PTGES3L: variants seen among roughly 807,000 people sequenced by gnomAD.
PTGES3L encodes the protein prostaglandin E synthase 3 like.
A neutral mutation model predicts 25.0 loss-of-function variants in PTGES3L; 17 were observed. The observed-to-expected ratio is 0.68, with a 90% CI of 0.47 to 1.02. The LOEUF (loss-of-function observed/expected upper bound fraction) is 1.02. PTGES3L is among the 50% of genes least tolerant of loss of function. The probability of loss-of-function intolerance (pLI) is 0.00; values close to 1 mark genes in which losing one functional copy is unlikely to be tolerated. For synonymous variants in PTGES3L, 59 were observed against 65.7 expected (o/e 0.90, Z 0.50); for missense variants, 202 against 197.5 (o/e 1.02, Z -0.14).
chr17:42,972,377 T>G lies in PTGES3L; in HGVS notation c.289-681A>C, dbSNP rs2049859383. 3.1e-5 allele frequency among the ~76,000 whole-genome samples: 4 copies of G among 127,334 alleles called. No homozygotes were observed. In the South Asian group the frequency reaches 8.6e-4, roughly 27 times the overall value. 83.5% of individuals were successfully genotyped at this position (127,334 alleles called of 152,430 possible). On this transcript the variant is annotated intron_variant, in intron 4 of 6. Coordinates refer to ENST00000591916, the MANE Select transcript of PTGES3L (RefSeq NM_001261430.2). ...CTCTCTTTCCACGGTCTCCCTCTCA[T>G]GCGGAGCCGAAGCTGGACTGTACTG...
chr17:42,971,955 C>G (rs911577132), intron 4 of PTGES3L: 1 of 378,632 alleles, frequency 2.6e-6, no homozygotes, highest in Non-Finnish European at 4.9e-6. Flanking sequence ...TTTGGAAGGC[C>G]GAGGCAGGAG....
At chr17:42,978,523 C>G (rs2050004415) in intron 4 of PTGES3L, among the ~76,000 whole-genome samples, 2 of 152,058 alleles carry the variant, frequency 1.3e-5, no homozygotes, top group Non-Finnish European at 2.9e-5. Flanking sequence ...ATTTCATCAC[C>G]TACAACGAAA....
chr17:42,971,983 T>A (rs1268840161), intron 4 of PTGES3L: 1 of 323,438 alleles, frequency 3.1e-6, no homozygotes, highest in Non-Finnish European at 5.9e-6. Context: ...AGGTCAGGAG[T>A]TCGAGACCAG....
intron 4 of PTGES3L, among the ~76,000 whole-genome samples, chr17:42,975,407 G>A (rs190985532): frequency 5.3e-5 from 8 of 152,274 alleles, no homozygotes; most frequent in Admixed American, 4.6e-4. Flanking sequence ...AGGTACAGAG[G>A]TGAGAAACAG....
chr17:42,970,190 A>G, intron 6 of PTGES3L, 99 bp downstream of exon 6: 2 of 1,437,134 alleles, frequency 1.4e-6, no homozygotes, highest in South Asian at 1.2e-5. Flanking sequence ...ACAGGCACTG[A>G]GAACTACTGT....
chr17:42,973,173 C>T (rs1377443831), intron 4 of PTGES3L, among the ~76,000 whole-genome samples: 3 of 148,738 alleles, frequency 2.0e-5, no homozygotes, highest in African/African-American at 5.0e-5. Context: ...CAGCAGCCAC[C>T]CCATCCGGGA....
chr17:42,979,093 G>T, intron 4 of PTGES3L, 77 bp downstream of exon 4: 2 of 1,491,490 alleles, frequency 1.3e-6, no homozygotes, highest in Non-Finnish European at 1.9e-6. Flanking sequence ...AATATTGGCT[G>T]GAAAGGAGGC....
At chr17:42,979,019 A>C in intron 4 of PTGES3L, 151 bp downstream of exon 4, 3 of 807,450 alleles carry the variant, frequency 3.7e-6, no homozygotes, top group Non-Finnish European at 6.0e-6. Context: ...TAAATAAATA[A>C]AAATAAAAAG....
chr17:42,970,309 G>C lies in PTGES3L; in HGVS notation c.412C>G (p.Pro138Ala), dbSNP rs904502278. The change falls in exon 6 of 7, where the codon CCT becomes GCT. Residue 138 changes from proline to alanine, a missense_variant. Physicochemically the swap from Pro to Ala is conservative, Grantham distance 27 (BLOSUM62 -1). Coordinates refer to ENST00000591916, the MANE Select transcript of PTGES3L (RefSeq NM_001261430.2). Reference sequence around the variant, plus strand: ...CTTACATCCAAATCATCCATGGCAGGTGGAGGTCTCTTGGTGCTGACCTTC... The same window carrying C: ...CTTACATCCAAATCATCCATGGCAGCTGGAGGTCTCTTGGTGCTGACCTTC... ...LKKVSTKRPP[P>A]AMDDLDDDSD... The C allele has an allele frequency of 1.1e-5, 18 of 1,613,870 alleles. No homozygotes were observed. The Admixed American group carries it at 2.2e-4, about 19-fold the overall frequency.
intron 4 of PTGES3L, among the ~76,000 whole-genome samples, chr17:42,973,583 C>T (rs1385264015): frequency 6.6e-6 from 1 of 151,644 alleles, no homozygotes; most frequent in East Asian, 2.0e-4. Flanking sequence ...ATTGAGAAAT[C>T]GGATGGTTGC....
At chr17:42,969,584 TAG>T (rs1555565164) in intron 6 of PTGES3L, among the ~76,000 whole-genome samples, 1 of 151,896 alleles carries the variant, frequency 6.6e-6, no homozygotes, top group Non-Finnish European at 1.5e-5. Flanking sequence ...GTACTTTTGG[TAG>T]AGACAGGGTT....
chr17:42,972,575 C>T (rs1161333190), intron 4 of PTGES3L, among the ~76,000 whole-genome samples: 6 of 152,096 alleles, frequency 3.9e-5, no homozygotes, highest in African/African-American at 1.4e-4. Flanking sequence ...CCGCCAGCCT[C>T]GGCCTCCCGA....
intron 6 of PTGES3L, among the ~76,000 whole-genome samples, chr17:42,969,635 C>T (rs1427084388): frequency 6.6e-6 from 1 of 151,828 alleles, no homozygotes; most frequent in Non-Finnish European, 1.5e-5. Flanking sequence ...CTGCTGAGCA[C>T]AAGTGATCCA....
chr17:42,979,257 A>T lies in PTGES3L; in HGVS notation c.201T>A (p.Asp67Glu). The T allele has an allele frequency of 6.2e-7, 1 of 1,614,042 alleles. No homozygotes were observed. The highest frequency in any genetic ancestry group is 8.5e-7 in the Non-Finnish European group (1 of 1,180,002). Residue 67 changes from aspartate to glutamate, a missense_variant, in exon 4 of 7, where the codon GAT becomes GAA. Physicochemically the swap from Asp to Glu is conservative, Grantham distance 45 (BLOSUM62 2). Coordinates refer to ENST00000591916, the MANE Select transcript of PTGES3L (RefSeq NM_001261430.2). ...AAGTAATAGAGCGGGAAGAGCGCTT[A>T]TCCTGGGAGTCCTGCCAGATAGAGA... ...YAKVNSKDSQ[D>E]KRSSRSITCF... is the part of the protein sequence containing the mutation.
rs1273686267 is a variant in PTGES3L at position 42,968,446 on chromosome 17, G to C, written c.*702C>G. 6.6e-6 allele frequency: 1 copy of C among 151,708 alleles called. No individual in the cohort carries two copies. Among genetic ancestry groups the C allele is most frequent in the Non-Finnish European group, 1.5e-5 (1 of 68,068 alleles). 9.4% of individuals were successfully genotyped at this position (151,708 alleles called of 1,614,324 possible). A position where few individuals can be genotyped will look rare whatever the true frequency, so the allele number is the denominator to read the frequency against. On this transcript the variant is annotated 3_prime_UTR_variant, in exon 7 of 7. Coordinates refer to ENST00000591916, the MANE Select transcript of PTGES3L (RefSeq NM_001261430.2). ...CTTGGGAGGCTGAGGCAGGAGAATT[G>C]CTTGAACCCAGAAGGTGGAGGTTGC... is the stretch of plus-strand genomic sequence containing the variant.
At chr17:42,977,211 A>C (rs1005314886) in intron 4 of PTGES3L, among the ~76,000 whole-genome samples, 3 of 152,056 alleles carry the variant, frequency 2.0e-5, no homozygotes, top group Non-Finnish European at 2.9e-5. Flanking sequence ...AGATCACCTG[A>C]GGTCAGGAGT....
chr17:42,969,117 A>G lies in PTGES3L; in HGVS notation c.*31T>C. Reference sequence around the variant, plus strand: ...TCTAGAACAACTGGAAAATAGCCACAGCTGCCTTCCCAGCTTTGCGTCACA... The same window carrying G: ...TCTAGAACAACTGGAAAATAGCCACGGCTGCCTTCCCAGCTTTGCGTCACA... On this transcript the variant is annotated 3_prime_UTR_variant, in exon 7 of 7. Transcript: ENST00000591916. 1 of 1,522,782 alleles carries G rather than the reference A, an allele frequency of 6.6e-7. No individual in the cohort carries two copies. Among genetic ancestry groups the G allele is most frequent in the South Asian group, 1.2e-5 (1 of 83,440 alleles). 94.3% of individuals were successfully genotyped at this position (1,522,782 alleles called of 1,614,324 possible). A position where few individuals can be genotyped will look rare whatever the true frequency, so the allele number is the denominator to read the frequency against.
At chr17:42,973,859 A>AAGGCC (rs1351296505) in intron 4 of PTGES3L, among the ~76,000 whole-genome samples, 3 of 143,194 alleles carry the variant, frequency 2.1e-5, no homozygotes, top group Non-Finnish European at 4.6e-5. Flanking sequence ...AACACTGCGG[A>AAGGCC]AGGCCGCAGG....
At chr17:42,973,421 C>T (rs2049894869) in intron 4 of PTGES3L, among the ~76,000 whole-genome samples, 2 of 148,270 alleles carry the variant, frequency 1.3e-5, no homozygotes, top group African/African-American at 2.5e-5. Context: ...AGGTGAGGGG[C>T]GCCTCTGCCC....
Sources: gnomAD v4.1 joint callset for allele counts (sites outside exome capture counted in the v4.1 genomes callset) on GRCh38, gnomAD v4.1.1 for gene constraint, MANE v1.5 for transcripts, NCBI Gene and HGNC (gene_info 2026-07-23, HGNC 2026-07-21) for gene names.